The following CCDC169 variants were observed in gnomAD, a reference collection of about 807,000 sequenced individuals.
CCDC169 encodes the protein coiled-coil domain containing 169, also known as coiled-coil domain-containing protein 169.
In CCDC169, 30 loss-of-function variants were observed where a neutral mutation model predicts 36.0. The ratio of observed to expected loss-of-function variants is 0.83; its 90% CI spans 0.62 to 1.13. The LOEUF (loss-of-function observed/expected upper bound fraction) is 1.13. Ranked by LOEUF, CCDC169 falls within the 50% of genes most tolerant of loss-of-function variation. The pLI is 0.00. For missense variants in CCDC169, 245 were observed against 245.9 expected (o/e 1.00, Z 0.03); for synonymous variants, 85 against 81.5 (o/e 1.04, Z -0.23).
chr13:36,255,109 G>A (rs1430852874), intron 4 of CCDC169, among the ~76,000 whole-genome samples: 1 of 152,186 alleles, frequency 6.6e-6, no homozygotes, highest in Admixed American at 6.5e-5. Context: ...TCTCAAGGAA[G>A]AGGGTCTTGC....
At chr13:36,251,897 C>T (rs1319100674) in intron 6 of CCDC169, among the ~76,000 whole-genome samples, 1 of 152,150 alleles carries the variant, frequency 6.6e-6, no homozygotes, top group Non-Finnish European at 1.5e-5. Flanking sequence ...AATTTAAAAC[C>T]TATTATGTGT....
intron 4 of CCDC169, among the ~76,000 whole-genome samples, chr13:36,278,528 T>C (rs896517232): frequency 9.9e-5 from 15 of 152,174 alleles, no homozygotes; most frequent in Non-Finnish European, 1.5e-4. Context: ...CAACGTGTTT[T>C]ATCCTCTCCT....
intron 7 of CCDC169, among the ~76,000 whole-genome samples, chr13:36,243,673 G>A (rs1261275958): frequency 6.6e-6 from 1 of 152,076 alleles, no homozygotes; most frequent in Non-Finnish European, 1.5e-5. Flanking sequence ...AAGCACAGTG[G>A]CATGTGTCTG....
At chr13:36,255,653 G>C (rs571198625) in intron 4 of CCDC169, among the ~76,000 whole-genome samples, 2 of 83,742 alleles carry the variant, frequency 2.4e-5, no homozygotes, top group African/African-American at 7.2e-5. Context: ...ACAGAGCAAG[G>C]CTCCATAAAA....
chr13:36,283,758 AT>A (rs2138613456), intron 2 of CCDC169, 56 bp from the exon 3 acceptor site: 4 of 1,290,624 alleles, frequency 3.1e-6, no homozygotes, highest in South Asian at 2.6e-5. Flanking sequence ...TCATTTATTC[AT>A]TAAAATAACA....
At chr13:36,232,207 G>A in intron 7 of CCDC169, among the ~76,000 whole-genome samples, 1 of 152,216 alleles carries the variant, frequency 6.6e-6, no homozygotes, top group Non-Finnish European at 1.5e-5. Context: ...CAATTGCAGT[G>A]AAAACTCAGT....
chr13:36,266,318 G>A (rs1183954506), intron 4 of CCDC169, among the ~76,000 whole-genome samples: 5 of 152,084 alleles, frequency 3.3e-5, no homozygotes, highest in South Asian at 2.1e-4. Flanking sequence ...AGAGGCCTCC[G>A]CAGCATCTTC....
intron 4 of CCDC169, among the ~76,000 whole-genome samples, chr13:36,271,410 C>A (rs1420648866): frequency 2.0e-5 from 3 of 152,098 alleles, no homozygotes; most frequent in Non-Finnish European, 4.4e-5. Flanking sequence ...TGCTGGATAT[C>A]TACCCAAAGA....
chr13:36,282,915 C>A (rs1303676807), intron 4 of CCDC169: 1 of 153,496 alleles, frequency 6.5e-6, no homozygotes, highest in Non-Finnish European at 1.4e-5. Context: ...CCTCAGTTAT[C>A]AAGAAGCAGG....
At chr13:36,257,107 G>A (rs1873982034) in intron 4 of CCDC169, among the ~76,000 whole-genome samples, 1 of 129,690 alleles carries the variant, frequency 7.7e-6, no homozygotes, top group African/African-American at 2.6e-5. Context: ...CTATTGAGCT[G>A]GGGATAGGGG....
rs77079669 is a variant in CCDC169, at chr13:36,271,278, G to A, written c.315+12191C>T. Among the ~76,000 whole-genome samples the A allele has an allele frequency of 7.3e-3, 1,115 of 152,188 alleles. 8 individuals carry two copies. The highest frequency in any genetic ancestry group is 0.013 in the Admixed American group (201 of 15,280). Reference sequence around the variant, plus strand: ...AAAATAGATGTTGGCATGGATGTGGGGAAAAGGGAATGCTTATACACTGCT... The same window carrying A: ...AAAATAGATGTTGGCATGGATGTGGAGAAAAGGGAATGCTTATACACTGCT... On this transcript the variant is annotated intron_variant, in intron 4 of 7. Coordinates refer to ENST00000239859, the MANE Select transcript of CCDC169 (RefSeq NM_001144981.3).
chr13:36,237,441 T>A (rs1328633), intron 7 of CCDC169, among the ~76,000 whole-genome samples: 1 of 151,840 alleles, frequency 6.6e-6, no homozygotes, highest in African/African-American at 2.4e-5. Flanking sequence ...CTTCTAGGCA[T>A]GCACCAAAGA....
intron 2 of CCDC169, 100 bp downstream of exon 2, chr13:36,295,678 T>C (rs1282826449): frequency 1.7e-6 from 1 of 574,588 alleles, no homozygotes; most frequent in Non-Finnish European, 3.0e-6. Context: ...GAAATGTTGG[T>C]ACTATTATTC....
downstream of CCDC169, chr13:36,227,388 G>C (rs1376656776): frequency 1.3e-6 from 2 of 1,539,636 alleles, no homozygotes; most frequent in African/African-American, 1.4e-5. Context: ...GAGGCTGTTT[G>C]AAGAGATGTG....
At chr13:36,290,707 T>C (rs1339834800) in intron 2 of CCDC169, among the ~76,000 whole-genome samples, 1 of 152,198 alleles carries the variant, frequency 6.6e-6, no homozygotes, top group Non-Finnish European at 1.5e-5. Context: ...AACTCAACTT[T>C]ATAATCTTAT....
intron 6 of CCDC169, among the ~76,000 whole-genome samples, chr13:36,249,258 T>C (rs1480345110): frequency 3.3e-5 from 5 of 152,072 alleles, no homozygotes; most frequent in Non-Finnish European, 5.9e-5. Context: ...GAATCAATAA[T>C]ACAAACTGAG....
At chr13:36,240,471 C>A (rs1390877203) in intron 7 of CCDC169, 1 of 350,516 alleles carries the variant, frequency 2.9e-6, no homozygotes, top group African/African-American at 2.2e-5. Flanking sequence ...TTGACTTACT[C>A]TTTTAATGTT....
chr13:36,258,828 G>A (rs1057376385), intron 4 of CCDC169, among the ~76,000 whole-genome samples: 1 of 152,056 alleles, frequency 6.6e-6, no homozygotes, highest in African/African-American at 2.4e-5. Context: ...TTTACACTAC[G>A]GATTTGCCTC....
At chr13:36,263,620 A>C (rs1030940576) in intron 4 of CCDC169, among the ~76,000 whole-genome samples, 3 of 152,230 alleles carry the variant, frequency 2.0e-5, no homozygotes, top group Non-Finnish European at 4.4e-5. Flanking sequence ...CAAGTCCCTC[A>C]GAAATGACAC....
Sources: gnomAD v4.1 joint callset for allele counts (sites outside exome capture counted in the v4.1 genomes callset) on GRCh38, gnomAD v4.1.1 for gene constraint, MANE v1.5 for transcripts, NCBI Gene and HGNC (gene_info 2026-07-23, HGNC 2026-07-21) for gene names.